Variants in FBXL7 observed in about 807,000 individuals in gnomAD.
The protein encoded by FBXL7 is F-box and leucine rich repeat protein 7, also known as F-box/LRR-repeat protein 7.
FBXL7 carries 12 observed loss-of-function variants against 38.3 expected under a neutral mutation model. That is an observed-to-expected ratio of 0.31 (90% CI 0.20 to 0.51). The LOEUF is 0.51. FBXL7 is among the 20% of genes least tolerant of loss of function. The probability of loss-of-function intolerance (pLI) is 0.98; values close to 1 mark genes in which losing one functional copy is unlikely to be tolerated. For synonymous variants in FBXL7, 297 were observed against 300.9 expected (o/e 0.99, Z 0.13); for missense variants, 567 against 676.4 (o/e 0.84, Z 1.79).
Position 15,890,885 on chromosome 5 carries a change from A to G in FBXL7, c.128-37005A>G, listed in dbSNP as rs1434293468. 3.3e-5 allele frequency among the ~76,000 whole-genome samples: 5 copies of G among 152,190 alleles called. No homozygotes were observed. The East Asian group carries it at 9.6e-4, about 29-fold the overall frequency. On this transcript the variant is annotated intron_variant, in intron 2 of 3. Transcript: ENST00000504595. Reference sequence around the variant, plus strand: ...AGTTTATTAACTAATTTCTGATCATAAATGTGGTGATATTTAGGATAAAAT... The same window carrying G: ...AGTTTATTAACTAATTTCTGATCATGAATGTGGTGATATTTAGGATAAAAT...
In FBXL7 at chr5:15,883,315, C is replaced by A. The variant is rs919969075; in HGVS notation, c.128-44575C>A. On this transcript the variant is annotated intron_variant, in intron 2 of 3. Coordinates refer to ENST00000504595, the MANE Select transcript of FBXL7 (RefSeq NM_012304.5). Reference sequence around the variant, plus strand: ...AAGTTTTAAGGTTTGATTTGTTTTTCTTTAATTTTTGTTTTTTCTGGAAGA... The same window carrying A: ...AAGTTTTAAGGTTTGATTTGTTTTTATTTAATTTTTGTTTTTTCTGGAAGA... Among the ~76,000 whole-genome samples the A allele has an allele frequency of 3.1e-4, 47 of 152,016 alleles. 1 individual carries two copies. The highest frequency in any genetic ancestry group is 1.1e-3 in the African/African-American group (45 of 41,376).
chr5:15,575,566 G>A (rs1029905829), intron 1 of FBXL7, among the ~76,000 whole-genome samples: 3 of 152,146 alleles, frequency 2.0e-5, no homozygotes, highest in Non-Finnish European at 4.4e-5. Context: ...CATTCTGGTG[G>A]CTTCATATTA....
chr5:15,855,826 A>G (rs768845859), intron 2 of FBXL7, among the ~76,000 whole-genome samples: 6 of 152,206 alleles, frequency 3.9e-5, no homozygotes, highest in African/African-American at 9.6e-5. Context: ...CCATTTTACA[A>G]CTAAGGAAAT....
intron 2 of FBXL7, among the ~76,000 whole-genome samples, chr5:15,637,080 ATAAAGAGCATCTG>A (rs1741211658): frequency 2.0e-5 from 3 of 152,204 alleles, no homozygotes; most frequent in Admixed American, 2.0e-4. Flanking sequence ...TCATATGCTA[ATAAAGAGCATCTG>A]TAAAATTCAG....
chr5:15,505,756 G>A (rs948429017), intron 1 of FBXL7, among the ~76,000 whole-genome samples: 2 of 152,082 alleles, frequency 1.3e-5, no homozygotes, highest in Non-Finnish European at 2.9e-5. Flanking sequence ...GGACATGATG[G>A]GCTGAGCTTT....
intron 1 of FBXL7, among the ~76,000 whole-genome samples, chr5:15,605,497 C>T (rs570266516): frequency 5.9e-5 from 9 of 152,148 alleles, no homozygotes; most frequent in Admixed American, 4.6e-4. Context: ...GAAATAATAT[C>T]GTGTAATTCC....
At chr5:15,861,474 C>T (rs868618466) in intron 2 of FBXL7, among the ~76,000 whole-genome samples, 59 of 152,180 alleles carry the variant, frequency 3.9e-4, no homozygotes, top group Admixed American at 2.0e-4. Context: ...GACAGTTGCA[C>T]GGACACCCAA....
At chr5:15,605,122 C>CA (rs1310311297) in intron 1 of FBXL7, among the ~76,000 whole-genome samples, 1 of 152,166 alleles carries the variant, frequency 6.6e-6, no homozygotes, top group Non-Finnish European at 1.5e-5. Flanking sequence ...TGCAGCAGGG[C>CA]AGTTGCTGAC....
intron 2 of FBXL7, among the ~76,000 whole-genome samples, chr5:15,631,711 T>A (rs979312233): frequency 2.8e-5 from 4 of 142,560 alleles, no homozygotes; most frequent in Non-Finnish European, 6.0e-5. Context: ...TATGGTGTGG[T>A]ACAGCTTAGT....
intron 2 of FBXL7, among the ~76,000 whole-genome samples, chr5:15,685,212 T>A (rs1298461879): frequency 6.6e-6 from 1 of 152,200 alleles, no homozygotes; most frequent in Non-Finnish European, 1.5e-5. Context: ...TTTTCCAAAT[T>A]CTTTATTATG....
chr5:15,601,189 A>G (rs1739776915), intron 1 of FBXL7, among the ~76,000 whole-genome samples: 1 of 152,216 alleles, frequency 6.6e-6, no homozygotes, highest in Non-Finnish European at 1.5e-5. Flanking sequence ...CAGATTGTGT[A>G]GAACCACCAG....
chr5:15,714,602 C>G (rs2126645779), intron 2 of FBXL7, among the ~76,000 whole-genome samples: 1 of 152,214 alleles, frequency 6.6e-6, no homozygotes, highest in East Asian at 1.9e-4. Context: ...CGCCTATAAT[C>G]CCAGCCCTTT....
At chr5:15,829,442 G>C (rs1010557624) in intron 2 of FBXL7, among the ~76,000 whole-genome samples, 3 of 151,548 alleles carry the variant, frequency 2.0e-5, no homozygotes, top group Non-Finnish European at 4.4e-5. Flanking sequence ...TGTTCTATAT[G>C]TACCCTCTGC....
At chr5:15,859,882 C>T (rs146710621) in intron 2 of FBXL7, among the ~76,000 whole-genome samples, 14 of 152,266 alleles carry the variant, frequency 9.2e-5, no homozygotes, top group South Asian at 6.2e-4. Flanking sequence ...AATTTGAATA[C>T]GTTGACCAAG....
chr5:15,703,331 C>T (rs1743586652), intron 2 of FBXL7, among the ~76,000 whole-genome samples: 2 of 152,170 alleles, frequency 1.3e-5, no homozygotes, highest in Admixed American at 1.3e-4. Context: ...TTACATGTTT[C>T]ACCTCCAACA....
intron 2 of FBXL7, among the ~76,000 whole-genome samples, chr5:15,873,786 C>T (rs189152412): frequency 6.6e-6 from 1 of 152,268 alleles, no homozygotes; most frequent in Admixed American, 6.5e-5. Flanking sequence ...AGCCTACCAA[C>T]CAAAAGAGGC....
At chr5:15,581,554 T>C (rs1191066908) in intron 1 of FBXL7, among the ~76,000 whole-genome samples, 1 of 152,098 alleles carries the variant, frequency 6.6e-6, no homozygotes, top group African/African-American at 2.4e-5. Flanking sequence ...TGGGGGAAAA[T>C]TGTAGCAGAT....
At chr5:15,882,390 A>G (rs1461526657) in intron 2 of FBXL7, among the ~76,000 whole-genome samples, 1 of 152,158 alleles carries the variant, frequency 6.6e-6, no homozygotes, top group Non-Finnish European at 1.5e-5. Flanking sequence ...TGAGTGTCCC[A>G]GCACCTGACA....
chr5:15,844,459 G>T (rs1033215203), intron 2 of FBXL7, among the ~76,000 whole-genome samples: 2 of 152,206 alleles, frequency 1.3e-5, no homozygotes, highest in African/African-American at 2.4e-5. Context: ...CTGCTGGACA[G>T]TTCCCCAGGC....
Sources: gnomAD v4.1 joint callset for allele counts (sites outside exome capture counted in the v4.1 genomes callset) on GRCh38, gnomAD v4.1.1 for gene constraint, MANE v1.5 for transcripts, NCBI Gene and HGNC (gene_info 2026-07-23, HGNC 2026-07-21) for gene names.